RAD50: variants seen among roughly 807,000 people sequenced by gnomAD.
RAD50 encodes the protein DNA repair protein RAD50.
In RAD50, 132 loss-of-function variants were observed where a neutral mutation model predicts 168.8. The ratio of observed to expected loss-of-function variants is 0.78; its 90% CI spans 0.68 to 0.90. The LOEUF (loss-of-function observed/expected upper bound fraction) is 0.90. Among genes scored for constraint, RAD50 ranks in the 40% least tolerant of loss-of-function variants. The probability of loss-of-function intolerance (pLI) is 0.00; values close to 1 mark genes in which losing one functional copy is unlikely to be tolerated. For synonymous variants in RAD50, 525 were observed against 497.4 expected (o/e 1.06, Z -0.74); for missense variants, 1,347 against 1,534.4 (o/e 0.88, Z 2.04).
chr5:132,559,419 GC>G (rs747978716), intron 2 of RAD50, 52 bp downstream of exon 2: 1 of 1,536,470 alleles, frequency 6.5e-7, no homozygotes, highest in Non-Finnish European at 8.8e-7. Context: ...AATGATAATA[GC>G]TTATTATAGA....
intron 21 of RAD50, among the ~76,000 whole-genome samples, chr5:132,625,147 C>A (rs1188734538): frequency 6.8e-6 from 1 of 147,928 alleles, no homozygotes; most frequent in Non-Finnish European, 1.5e-5. Flanking sequence ...AGTGCAGTGG[C>A]GGGATCTCGG....
Position 132,644,628 on chromosome 5 carries a change from T to C in RAD50, c.*2264T>C, listed in dbSNP as rs1337907587. 7 of 179,438 alleles carry C rather than the reference T, an allele frequency of 3.9e-5. No homozygotes were observed. The highest frequency in any genetic ancestry group is 7.2e-5 in the Non-Finnish European group (6 of 83,728). The allele number at this position is 179,438 out of a possible 1,614,324, so 11.1% of individuals were successfully genotyped here. ...AAAAGCTGTCTTCATTTCACTCTTG[T>C]TGCAGTTATCTTTCATTCCCAGCTT... On this transcript the variant is annotated 3_prime_UTR_variant, in exon 25 of 25. Transcript: ENST00000378823.
At chr5:132,573,549 C>G (rs1421411377) in intron 2 of RAD50, among the ~76,000 whole-genome samples, 2 of 152,182 alleles carry the variant, frequency 1.3e-5, no homozygotes, top group African/African-American at 4.8e-5. Context: ...GATTCCACCC[C>G]TGGCCCCTCC....
In RAD50 at chr5:132,642,347, G is replaced by A; in HGVS notation, c.3922G>A (p.Gly1308Arg). ...EIVKCSVSSL[G>R]FNVH ...TGTGAAATGCAGTGTTAGCTCCCTG[G>A]GATTCAATGTTCATTAAAAATATCC... is the stretch of plus-strand genomic sequence containing the variant. The change falls in exon 25 of 25, where the codon GGA becomes AGA. Residue 1308 changes from glycine (G) to arginine (R), a missense_variant. By Grantham distance (125) the Gly-to-Arg change is moderately radical (BLOSUM62 -2). Around this residue, in one of 3 missense-constraint regions of RAD50, gnomAD observed 635 missense variants for 739.2 expected, o/e 0.86. Coordinates refer to ENST00000378823, the MANE Select transcript of RAD50 (RefSeq NM_005732.4). The A allele has an allele frequency of 6.2e-7, 1 of 1,613,440 alleles. No homozygotes were observed. Among genetic ancestry groups the A allele is most frequent in the Non-Finnish European group, 8.5e-7 (1 of 1,179,626 alleles).
Position 132,569,214 on chromosome 5 carries a change from A to C in RAD50, c.214-6563A>C, listed in dbSNP as rs562187991. Reference sequence around the variant, plus strand: ...ATAAATATGCTCATAGATATAAAGGAAAACATAAGCATAATGAGAAAAATG... The same window carrying C: ...ATAAATATGCTCATAGATATAAAGGCAAACATAAGCATAATGAGAAAAATG... On this transcript the variant is annotated intron_variant, in intron 2 of 24. Coordinates refer to ENST00000378823, the MANE Select transcript of RAD50 (RefSeq NM_005732.4). 1.5e-4 allele frequency among the ~76,000 whole-genome samples: 23 copies of C among 152,346 alleles called. No homozygotes were observed. In the South Asian group the frequency reaches 3.9e-3, roughly 26 times the overall value.
intron 2 of RAD50, among the ~76,000 whole-genome samples, chr5:132,569,874 A>G (rs1237472037): frequency 6.6e-6 from 1 of 152,228 alleles, no homozygotes; most frequent in Non-Finnish European, 1.5e-5. Context: ...TAAATATTAC[A>G]TGGATCAAAA....
chr5:132,626,918 T>A (rs1751381017), intron 21 of RAD50, among the ~76,000 whole-genome samples: 1 of 152,172 alleles, frequency 6.6e-6, no homozygotes, highest in East Asian at 1.9e-4. Context: ...TTCTCTCAGC[T>A]CTCTCAGGCT....
chr5:132,604,840 A>G lies in RAD50; in HGVS notation c.2559A>G (p.Ile853Met), dbSNP rs2149847715. The change falls in exon 16 of 25, where the codon ATA becomes ATG. Residue 853 changes from isoleucine to methionine, a missense_variant. Transcript: ENST00000378823. ...AGATTGAATTGAATCGTAAGCTTAT[A>G]CAGGACCAGCAGGAACAGATTCAAC... Reference protein sequence around the residue: ...SSKIELNRKLIQDQQEQIQHL... With the variant: ...SSKIELNRKLMQDQQEQIQHL... The G allele has an allele frequency of 6.2e-7, 1 of 1,613,278 alleles. No individual in the cohort carries two copies. Among genetic ancestry groups the G allele is most frequent in the Non-Finnish European group, 8.5e-7 (1 of 1,179,294 alleles).
Position 132,642,550 on chromosome 5 carries a change from T to G in RAD50, c.*186T>G, listed in dbSNP as rs528136166. On this transcript the variant is annotated 3_prime_UTR_variant, in exon 25 of 25. Coordinates refer to ENST00000378823, the MANE Select transcript of RAD50 (RefSeq NM_005732.4). ...TTGTTTCACTGAAAATTGGACAGAT[T>G]GCCTGTTTCTGATTTGCTGCTCTTC... 1.1e-5 allele frequency: 7 copies of G among 643,596 alleles called. No individual in the cohort carries two copies. The highest frequency in any genetic ancestry group is 5.5e-5 in the African/African-American group (3 of 54,658). The allele number at this position is 643,596 out of a possible 1,614,324, so 39.9% of individuals were successfully genotyped here.
intron 21 of RAD50, among the ~76,000 whole-genome samples, chr5:132,634,730 CTTTGA>C (rs1751541318): frequency 6.6e-6 from 1 of 152,088 alleles, no homozygotes; most frequent in Non-Finnish European, 1.5e-5. Context: ...AGAAAACATT[CTTTGA>C]TTTTTCACTT....
At chr5:132,563,828 G>C (rs920085717) in intron 2 of RAD50, among the ~76,000 whole-genome samples, 3 of 152,166 alleles carry the variant, frequency 2.0e-5, no homozygotes, top group Non-Finnish European at 2.9e-5. Flanking sequence ...AATCATGGAG[G>C]TGGATTTCCC....
chr5:132,620,582 T>C (rs1751268810), intron 21 of RAD50, among the ~76,000 whole-genome samples: 1 of 152,230 alleles, frequency 6.6e-6, no homozygotes, highest in African/African-American at 2.4e-5. Context: ...CTGCCATCTT[T>C]TTTTCCTTTC....
chr5:132,619,210 G>C (rs906532506), intron 21 of RAD50, among the ~76,000 whole-genome samples: 9 of 152,138 alleles, frequency 5.9e-5, no homozygotes, highest in Non-Finnish European at 1.0e-4. Flanking sequence ...ATATTTGTGG[G>C]AGTGCATTGT....
intron 21 of RAD50, among the ~76,000 whole-genome samples, chr5:132,625,747 C>T (rs894265616): frequency 2.0e-5 from 3 of 152,052 alleles, no homozygotes; most frequent in African/African-American, 7.2e-5. Flanking sequence ...TTTAATTTTT[C>T]ACTCCCACAA....
At chr5:132,596,747 G>A (rs1750798149) in intron 13 of RAD50, among the ~76,000 whole-genome samples, 1 of 152,214 alleles carries the variant, frequency 6.6e-6, no homozygotes, top group African/African-American at 2.4e-5. Context: ...CATTTAGAAA[G>A]CTAGGCTTAA....
Position 132,642,555 on chromosome 5 carries a change from G to C in RAD50, c.*191G>C, listed in dbSNP as rs773984469. On this transcript the variant is annotated 3_prime_UTR_variant, in exon 25 of 25. Transcript: ENST00000378823. The stretch of plus-strand genomic sequence containing the variant: ...TCACTGAAAATTGGACAGATTGCCT[G>C]TTTCTGATTTGCTGCTCTTCATCCC... 2.8e-5 allele frequency: 18 copies of C among 636,140 alleles called. No homozygotes were observed. Among genetic ancestry groups the C allele is most frequent in the Middle Eastern group, 4.3e-4 (1 of 2,304 alleles). The allele number at this position is 636,140 out of a possible 1,614,324, so 39.4% of individuals were successfully genotyped here. A position where few individuals can be genotyped will look rare whatever the true frequency, so the allele number is the denominator to read the frequency against.
At chr5:132,637,868 T>A (rs925049178) in intron 22 of RAD50, among the ~76,000 whole-genome samples, 1 of 152,144 alleles carries the variant, frequency 6.6e-6, no homozygotes, top group Non-Finnish European at 1.5e-5. Context: ...AAGAAAGAGT[T>A]GAGGCTGAGG....
At chr5:132,616,171 T>G in intron 20 of RAD50, 41 bp downstream of exon 20, 1 of 1,583,850 alleles carries the variant, frequency 6.3e-7, no homozygotes. Flanking sequence ...TAAACGTCTT[T>G]ATTACTGGAA....
At chr5:132,576,015 G>C in intron 3 of RAD50, 87 bp downstream of exon 3, 1 of 1,309,322 alleles carries the variant, frequency 7.6e-7, no homozygotes, top group Non-Finnish European at 1.0e-6. Context: ...TATAAGTTTA[G>C]GGGAGCATAT....
Sources: gnomAD v4.1 joint callset for allele counts (sites outside exome capture counted in the v4.1 genomes callset) on GRCh38, gnomAD v4.1.1 for gene constraint, gnomAD v4.1.1 regional missense constraint, MANE v1.5 for transcripts, NCBI Gene and HGNC (gene_info 2026-07-23, HGNC 2026-07-21) for gene names.